Variants in FGF12 observed in about 807,000 individuals in gnomAD.
FGF12 encodes the protein fibroblast growth factor 12B.
A neutral mutation model predicts 23.6 loss-of-function variants in FGF12; 14 were observed. The ratio of observed to expected loss-of-function variants is 0.59; its 90% CI spans 0.39 to 0.93. The LOEUF (loss-of-function observed/expected upper bound fraction) is 0.93. Among genes scored for constraint, FGF12 ranks in the 40% least tolerant of loss-of-function variants. The pLI is 0.00. For missense variants in FGF12, 175 were observed against 217.8 expected (o/e 0.80, Z 1.24); for synonymous variants, 62 against 77.3 (o/e 0.80, Z 1.04).
chr3:192,651,847 C>A (rs983194233), intron 2 of FGF12, among the ~76,000 whole-genome samples: 2 of 152,152 alleles, frequency 1.3e-5, no homozygotes, highest in Non-Finnish European at 2.9e-5. Flanking sequence ...CAGTGTACTG[C>A]GTGAGGTCCA....
intron 2 of FGF12, among the ~76,000 whole-genome samples, chr3:192,420,070 G>T (rs555053322): frequency 6.6e-6 from 1 of 152,266 alleles, no homozygotes; most frequent in South Asian, 2.1e-4. Context: ...AACTACAGTG[G>T]ATTCTATGGA....
intron 2 of FGF12, among the ~76,000 whole-genome samples, chr3:192,686,607 A>AT (rs1717743049): frequency 6.6e-6 from 1 of 151,978 alleles, no homozygotes; most frequent in Non-Finnish European, 1.5e-5. Context: ...TGACTCAGGT[A>AT]TTTTTTCAAT....
intron 2 of FGF12, chr3:192,515,442 C>G (rs1724638765): frequency 6.5e-6 from 1 of 152,726 alleles, no homozygotes; most frequent in Non-Finnish European, 1.5e-5. Context: ...TGTGCGTAGG[C>G]GTGGACAGAG....
chr3:192,286,847 T>A (rs1053366354), intron 4 of FGF12, among the ~76,000 whole-genome samples: 19 of 152,148 alleles, frequency 1.2e-4, no homozygotes, highest in African/African-American at 4.1e-4. Flanking sequence ...TAAGACACTA[T>A]ATATCTGCTG....
At chr3:192,248,888 T>A (rs1577279095) in intron 4 of FGF12, among the ~76,000 whole-genome samples, 1 of 152,226 alleles carries the variant, frequency 6.6e-6, no homozygotes, top group Non-Finnish European at 1.5e-5. Flanking sequence ...ACCTGCTTGA[T>A]GAGCCATATT....
intron 4 of FGF12, among the ~76,000 whole-genome samples, chr3:192,326,667 C>G (rs1716836144): frequency 6.6e-6 from 1 of 152,148 alleles, no homozygotes; most frequent in African/African-American, 2.4e-5. Flanking sequence ...TGTAATAAAG[C>G]CATCACAAAC....
At chr3:192,212,343 G>C (rs9871601) in intron 4 of FGF12, among the ~76,000 whole-genome samples, 10,312 of 152,196 alleles carry the variant, frequency 0.068, 545 homozygotes, top group African/African-American at 0.15. Context: ...GACAGTGTAG[G>C]GAAGAGATTT....
chr3:192,545,425 G>C (rs947406406), intron 2 of FGF12, among the ~76,000 whole-genome samples: 1 of 152,180 alleles, frequency 6.6e-6, no homozygotes, highest in Non-Finnish European at 1.5e-5. Flanking sequence ...AACGACCTCT[G>C]AAAAAGCTTT....
chr3:192,350,781 G>T (rs1718184309), intron 3 of FGF12, among the ~76,000 whole-genome samples: 1 of 152,204 alleles, frequency 6.6e-6, no homozygotes, highest in African/African-American at 2.4e-5. Context: ...TAGGAAAAAG[G>T]TCATTGGCTT....
At chr3:192,462,528 T>C (rs530665161) in intron 2 of FGF12, among the ~76,000 whole-genome samples, 139 of 152,272 alleles carry the variant, frequency 9.1e-4, no homozygotes, top group African/African-American at 3.3e-3. Flanking sequence ...CCCCTCAATT[T>C]TGGACTTCTC....
At chr3:192,472,079 T>C (rs113951438) in intron 2 of FGF12, among the ~76,000 whole-genome samples, 15,211 of 151,934 alleles carry the variant, frequency 0.1, 2,464 homozygotes, top group African/African-American at 0.34. Context: ...TGCAGCGGTG[T>C]GATCTCGGCT....
rs181301860 is a variant in FGF12, at chr3:192,556,398, A to G, written c.13+170783T>C. On this transcript the variant is annotated intron_variant, in intron 2 of 5. Transcript: ENST00000445105. ...TTTATTTAAGGCAAAATAGACTTCA[A>G]GTAAAAAACTGTTATAAGAGACAAA... Among the ~76,000 whole-genome samples the G allele has an allele frequency of 4.6e-5, 7 of 152,346 alleles. No homozygotes were observed. The East Asian group carries it at 1.3e-3, about 29-fold the overall frequency.
chr3:192,546,618 C>A (rs138183020), intron 2 of FGF12, among the ~76,000 whole-genome samples: 1 of 152,066 alleles, frequency 6.6e-6, no homozygotes, highest in African/African-American at 2.4e-5. Context: ...TTTATGAGGG[C>A]AGGAACTTTA....
intron 4 of FGF12, among the ~76,000 whole-genome samples, chr3:192,288,817 T>C (rs4687315): frequency 0.42 from 64,492 of 151,974 alleles, 14,599 homozygotes; most frequent in East Asian, 0.94. Context: ...AATGACACTT[T>C]AAAGATTGGC....
chr3:192,532,361 A>T (rs1275461990), intron 2 of FGF12, among the ~76,000 whole-genome samples: 1 of 151,940 alleles, frequency 6.6e-6, no homozygotes, highest in Non-Finnish European at 1.5e-5. Context: ...TTTTCACTAT[A>T]TTGATTCTTC....
chr3:192,383,537 A>AT (rs1719916245), intron 2 of FGF12, among the ~76,000 whole-genome samples: 1 of 121,220 alleles, frequency 8.2e-6, no homozygotes, highest in Non-Finnish European at 1.8e-5. Flanking sequence ...AAAAAATCTG[A>AT]TTAAAAAAAA....
At chr3:192,495,131 T>C (rs980842347) in intron 2 of FGF12, among the ~76,000 whole-genome samples, 3 of 152,138 alleles carry the variant, frequency 2.0e-5, no homozygotes, top group African/African-American at 7.2e-5. Flanking sequence ...AGTGCTGGGA[T>C]TACAGGCGTG....
intron 2 of FGF12, among the ~76,000 whole-genome samples, chr3:192,552,152 T>C (rs1053860268): frequency 1.3e-5 from 2 of 151,984 alleles, no homozygotes; most frequent in Non-Finnish European, 2.9e-5. Flanking sequence ...CTAGATGGGC[T>C]GAACAGCAGA....
intron 4 of FGF12, among the ~76,000 whole-genome samples, chr3:192,228,418 C>A (rs915872784): frequency 6.6e-6 from 1 of 152,124 alleles, no homozygotes; most frequent in Non-Finnish European, 1.5e-5. Flanking sequence ...CAGATATTAG[C>A]GATATATAAA....
Sources: allele counts gnomAD v4.1 joint callset (sites outside exome capture counted in the v4.1 genomes callset), GRCh38; gene constraint gnomAD v4.1.1; transcripts MANE v1.5; gene names NCBI Gene and HGNC (gene_info 2026-07-23, HGNC 2026-07-21).